The following RGS22 variants were observed in gnomAD, a reference collection of about 807,000 sequenced individuals.
RGS22 encodes regulator of G-protein signaling 22.
In RGS22, 148 loss-of-function variants were observed where a neutral mutation model predicts 172.9. That is an observed-to-expected ratio of 0.86 (90% CI 0.75 to 0.98). The LOEUF (loss-of-function observed/expected upper bound fraction) is 0.98, where lower values mean the gene tolerates loss of function less well. RGS22 is among the 50% of genes least tolerant of loss of function. RGS22 has a pLI of 0.00. For missense variants in RGS22, 1,347 were observed against 1,440.8 expected (o/e 0.93, Z 1.05); for synonymous variants, 458 against 480.2 (o/e 0.95, Z 0.60).
intron 20 of RGS22, among the ~76,000 whole-genome samples, chr8:99,993,541 T>C (rs1313119261): frequency 1.3e-5 from 2 of 151,848 alleles, no homozygotes; most frequent in African/African-American, 4.9e-5. Context: ...CCTGGACACA[T>C]ACACTCTCCC....
chr8:100,093,246 G>T (rs556960720), intron 3 of RGS22: 3 of 470,354 alleles, frequency 6.4e-6, no homozygotes, highest in African/African-American at 6.1e-5. Flanking sequence ...AAAAACTCCA[G>T]ATTTCTTCAA....
chr8:100,008,701 T>G (rs1816024217), intron 14 of RGS22, 132 bp from the exon 15 acceptor site: 2 of 623,150 alleles, frequency 3.2e-6, no homozygotes, highest in South Asian at 2.3e-5. Context: ...CTTGAAAATA[T>G]GGGTAAAACT....
At chr8:100,046,268 T>C (rs1203370403) in intron 11 of RGS22, 2 of 152,114 alleles carry the variant, frequency 1.3e-5, no homozygotes, top group Non-Finnish European at 2.9e-5. Flanking sequence ...TTCTTTAATA[T>C]GACAGATAAG....
chr8:100,063,615 A>C lies in RGS22; in HGVS notation c.1153T>G (p.Leu385Val). Residue 385 changes from leucine to valine, a missense_variant, in exon 8 of 28, where the codon TTA becomes GTA. Coordinates refer to ENST00000360863, the MANE Select transcript of RGS22 (RefSeq NM_015668.5). ...CCAGCGCTCTCATTCTTTGAACTTAAACTTGTTTGTTCTATCTCTTCTGAC... is the reference window on the plus strand; with the variant it reads ...CCAGCGCTCTCATTCTTTGAACTTACACTTGTTTGTTCTATCTCTTCTGAC... ...ERSEEIEQTS[L>V]SSKNESAGPE... 1 of 1,614,060 alleles carries C rather than the reference A, an allele frequency of 6.2e-7. No individual in the cohort carries two copies. Among genetic ancestry groups the C allele is most frequent in the Non-Finnish European group, 8.5e-7 (1 of 1,179,982 alleles).
chr8:100,008,356 T>C lies in RGS22; in HGVS notation c.2361+19A>G. On this transcript the variant is annotated intron_variant, in intron 15 of 27. Transcript: ENST00000360863. ...TAAACCTGAATGGTTTCACACTCAATTTATCGGTGGCACGGTACCTTTTTA... is the reference window on the plus strand; with the variant it reads ...TAAACCTGAATGGTTTCACACTCAACTTATCGGTGGCACGGTACCTTTTTA... 2 of 1,598,490 alleles carry C rather than the reference T, an allele frequency of 1.3e-6. No homozygotes were observed. The highest frequency in any genetic ancestry group is 1.4e-5 in the African/African-American group (1 of 73,736).
chr8:99,965,895 G>C (rs1292293148), intron 23 of RGS22, among the ~76,000 whole-genome samples: 1 of 152,152 alleles, frequency 6.6e-6, no homozygotes, highest in Non-Finnish European at 1.5e-5. Flanking sequence ...AAGCTGGAAT[G>C]TATTCTGGGC....
intron 2 of RGS22, among the ~76,000 whole-genome samples, chr8:100,094,075 T>C (rs1812784861): frequency 1.3e-5 from 2 of 152,360 alleles, no homozygotes; most frequent in Non-Finnish European, 2.9e-5. Flanking sequence ...TGACAATGCA[T>C]GTGTTCTAAG....
intron 23 of RGS22, among the ~76,000 whole-genome samples, chr8:99,970,518 T>C (rs1249130082): frequency 6.6e-6 from 1 of 151,972 alleles, no homozygotes; most frequent in East Asian, 1.9e-4. Flanking sequence ...AAGAATCAAA[T>C]AGATGCAATT....
At position 100,029,131 on chromosome 8, in the gene RGS22, C is replaced by G. The variant is rs554987492; in HGVS notation, c.2166+9800G>C. 2.0e-5 allele frequency among the ~76,000 whole-genome samples: 3 copies of G among 152,202 alleles called. No homozygotes were observed. In the East Asian group the frequency reaches 5.8e-4, roughly 29 times the overall value. Reference sequence around the variant, plus strand: ...ACAATGTGTTACCCTGATGTCCAATCCAATTCTGATGCTAGAAAATGAATA... The same window carrying G: ...ACAATGTGTTACCCTGATGTCCAATGCAATTCTGATGCTAGAAAATGAATA... On this transcript the variant is annotated intron_variant, in intron 14 of 27. Transcript: ENST00000360863.
At chr8:100,093,411 T>C (rs1812733872) in intron 3 of RGS22, 36 bp downstream of exon 3, 1 of 1,293,692 alleles carries the variant, frequency 7.7e-7, no homozygotes, top group Non-Finnish European at 1.1e-6. Flanking sequence ...TTTGCTTTGA[T>C]AATATATATT....
Position 99,965,368 on chromosome 8 carries a change from A to C in RGS22, c.3582T>G (p.Asp1194Glu), listed in dbSNP as rs373870840. Residue 1194 changes from aspartate to glutamate, a missense_variant, in exon 24 of 28, where the codon GAT (aspartate) becomes GAG (glutamate). By Grantham distance (45) the Asp-to-Glu change is conservative. Transcript: ENST00000360863. ...VPAIKTALLS[D>E]SFLGLQPYGR... Reference sequence around the variant, plus strand: ...CATATGGTTGGAGGCCTAGGAAGGAATCACTGAGTAAAGCAGTTTTGATAG... The same window carrying C: ...CATATGGTTGGAGGCCTAGGAAGGACTCACTGAGTAAAGCAGTTTTGATAG... 1.2e-6 allele frequency: 2 copies of C among 1,613,694 alleles called. No homozygotes were observed. Among genetic ancestry groups the C allele is most frequent in the African/African-American group, 1.3e-5 (1 of 74,940 alleles).
intron 14 of RGS22, among the ~76,000 whole-genome samples, chr8:100,018,926 A>G (rs1187076033): frequency 6.6e-6 from 1 of 152,194 alleles, no homozygotes; most frequent in Non-Finnish European, 1.5e-5. Flanking sequence ...GGTCTAGATA[A>G]ACATACCTGA....
intron 20 of RGS22, among the ~76,000 whole-genome samples, chr8:99,990,081 A>G (rs1435600683): frequency 2.0e-5 from 3 of 152,126 alleles, no homozygotes; most frequent in African/African-American, 7.2e-5. Context: ...CATGCAGAAT[A>G]AAGAAAAATA....
At chr8:100,016,659 C>T (rs1458090416) in intron 14 of RGS22, among the ~76,000 whole-genome samples, 1 of 152,064 alleles carries the variant, frequency 6.6e-6, no homozygotes, top group Non-Finnish European at 1.5e-5. Flanking sequence ...CGCCTGTAGT[C>T]CCAGCTGCTC....
intron 14 of RGS22, among the ~76,000 whole-genome samples, chr8:100,032,323 T>A (rs1257120558): frequency 2.0e-5 from 3 of 151,990 alleles, no homozygotes; most frequent in Non-Finnish European, 2.9e-5. Context: ...TGGAGGAAGA[T>A]CTACCAAGCA....
chr8:99,981,790 G>T, intron 22 of RGS22, 147 bp downstream of exon 22: 1 of 449,050 alleles, frequency 2.2e-6, no homozygotes, highest in Non-Finnish European at 3.7e-6. Context: ...TCAAACTCCT[G>T]AGCTCAAACA....
In RGS22 at chr8:100,085,939, C is replaced by T. The variant is rs574718971; in HGVS notation, c.118-5584G>A. On this transcript the variant is annotated intron_variant, in intron 3 of 27. Transcript: ENST00000360863. Reference sequence around the variant, plus strand: ...GAACTCCAGTTTAACACAGAACAAGCACAATAGAAGAACATACAAAGTAAT... The same window carrying T: ...GAACTCCAGTTTAACACAGAACAAGTACAATAGAAGAACATACAAAGTAAT... 1.1e-4 allele frequency among the ~76,000 whole-genome samples: 16 copies of T among 152,154 alleles called. No homozygotes were observed. The East Asian group carries it at 1.9e-3, about 18-fold the overall frequency.
chr8:100,045,573 G>C (rs1354773239), intron 11 of RGS22, among the ~76,000 whole-genome samples: 3 of 151,956 alleles, frequency 2.0e-5, no homozygotes, highest in Non-Finnish European at 2.9e-5. Flanking sequence ...TGAAGGAATG[G>C]TTAAAAAAAG....
intron 18 of RGS22, 110 bp downstream of exon 18, chr8:100,002,092 G>T: frequency 1.3e-6 from 1 of 792,142 alleles, no homozygotes; most frequent in Non-Finnish European, 2.0e-6. Context: ...TAACACATTA[G>T]TCATAAGCAA....
Sources: allele counts gnomAD v4.1 joint callset (sites outside exome capture counted in the v4.1 genomes callset), GRCh38; gene constraint gnomAD v4.1.1; transcripts MANE v1.5; gene names NCBI Gene and HGNC (gene_info 2026-07-23, HGNC 2026-07-21).